RGS3: variants seen among roughly 807,000 people sequenced by gnomAD.
The protein encoded by RGS3 is regulator of G-protein signalling 3.
In RGS3, 80 loss-of-function variants were observed where a neutral mutation model predicts 132.6. The observed-to-expected ratio is 0.60, with a 90% CI of 0.50 to 0.73. The LOEUF is 0.73. Among genes scored for constraint, RGS3 ranks in the 30% least tolerant of loss-of-function variants. RGS3 has a pLI of 0.00. For synonymous variants in RGS3, 598 were observed against 620.6 expected, an observed-to-expected ratio of 0.96 and a Z score of 0.54; for missense variants, 1,382 against 1,530.8, an observed-to-expected ratio of 0.90 and a Z score of 1.62.
At chr9:113,464,956 C>T (rs1040113506) in intron 3 of RGS3, among the ~76,000 whole-genome samples, 2 of 152,184 alleles carry the variant, frequency 1.3e-5, no homozygotes, top group African/African-American at 4.8e-5. Flanking sequence ...AGAGCAGTGG[C>T]TTGGCCTCTG....
At chr9:113,488,941 C>A (rs1830422727) in intron 7 of RGS3, among the ~76,000 whole-genome samples, 1 of 152,214 alleles carries the variant, frequency 6.6e-6, no homozygotes, top group Non-Finnish European at 1.5e-5. Flanking sequence ...GCTCTCAAAT[C>A]AAATTGTGCC....
intron 3 of RGS3, among the ~76,000 whole-genome samples, chr9:113,477,861 C>T (rs1588144090): frequency 6.6e-6 from 1 of 152,208 alleles, no homozygotes. Flanking sequence ...GGAGCCATGC[C>T]TGGGCTTTCT....
intron 3 of RGS3, among the ~76,000 whole-genome samples, chr9:113,473,399 T>A (rs1052445428): frequency 6.6e-6 from 1 of 152,168 alleles, no homozygotes; most frequent in East Asian, 1.9e-4. Flanking sequence ...TTTCTTTTTT[T>A]TGAGTTGGGG....
At chr9:113,472,668 G>A (rs532858075) in intron 3 of RGS3, among the ~76,000 whole-genome samples, 2 of 152,298 alleles carry the variant, frequency 1.3e-5, no homozygotes, top group East Asian at 3.9e-4. Context: ...TCTTTTAGGG[G>A]AGGATGAAAA....
At chr9:113,570,681 CG>C (rs1390616869) in intron 19 of RGS3, among the ~76,000 whole-genome samples, 1 of 151,908 alleles carries the variant, frequency 6.6e-6, no homozygotes, top group Non-Finnish European at 1.5e-5. Context: ...GGCAGAGTCT[CG>C]CTCTGTTGCC....
At chr9:113,594,486 G>C (rs780502510) in exon 22 of RGS3, 1 of 1,613,780 alleles carries the variant, frequency 6.2e-7, no homozygotes, top group Non-Finnish European at 8.5e-7. Context: ...GAGTCCCCTG[G>C]AGCCCCTCCC....
chr9:113,512,926 G>T (rs1383563963), intron 14 of RGS3, among the ~76,000 whole-genome samples: 2 of 152,220 alleles, frequency 1.3e-5, no homozygotes, highest in African/African-American at 4.8e-5. Flanking sequence ...GCTGGGCATG[G>T]TGGCTCATGC....
intron 1 of RGS3, among the ~76,000 whole-genome samples, chr9:113,452,822 A>C (rs1157509089): frequency 6.7e-6 from 1 of 148,558 alleles, no homozygotes; most frequent in Non-Finnish European, 1.5e-5. Context: ...ACCCATTGTT[A>C]ATCCCACCTT....
intron 7 of RGS3, among the ~76,000 whole-genome samples, chr9:113,486,383 A>G (rs1288993688): frequency 1.3e-5 from 2 of 152,260 alleles, no homozygotes; most frequent in African/African-American, 4.8e-5. Context: ...GGCTGCCATG[A>G]TGAGGCCAGG....
In RGS3 at chr9:113,463,274, C is replaced by G. The variant is rs911717303; in HGVS notation, c.415+1073C>G. Among the ~76,000 whole-genome samples, 1 of 152,208 alleles carries G rather than the reference C, an allele frequency of 6.6e-6. No individual in the cohort carries two copies. The highest frequency in any genetic ancestry group is 2.4e-5 in the African/African-American group (1 of 41,466). On this transcript the variant is annotated intron_variant, in intron 3 of 24. Coordinates refer to ENST00000350696, the Ensembl canonical transcript of RGS3. The surrounding 1 kb of genome is among the most constrained non-coding windows in gnomAD (Gnocchi z 4.6). Reference sequence around the variant, plus strand: ...GCAGCATGGTGGGGGGCGACCTGTCCAAGCGCAGAGAACACTTTTCCAAAC... The same window carrying G: ...GCAGCATGGTGGGGGGCGACCTGTCGAAGCGCAGAGAACACTTTTCCAAAC...
intron 14 of RGS3, among the ~76,000 whole-genome samples, chr9:113,511,734 G>A (rs1051997422): frequency 2.6e-5 from 4 of 152,088 alleles, no homozygotes; most frequent in Non-Finnish European, 4.4e-5. Flanking sequence ...GAGACTGGGG[G>A]CCCAGGACCC....
At chr9:113,575,266 G>A (rs1834460839) in intron 19 of RGS3, among the ~76,000 whole-genome samples, 1 of 152,176 alleles carries the variant, frequency 6.6e-6, no homozygotes, top group Non-Finnish European at 1.5e-5. Flanking sequence ...TTTCCTCAGG[G>A]ATTCCCTTTC....
In RGS3 at chr9:113,505,451, C is replaced by T. The variant is rs1423228045; in HGVS notation, c.907C>T (p.Pro303Ser). 5.0e-6 allele frequency: 8 copies of T among 1,614,108 alleles called. No homozygotes were observed. In the East Asian group the frequency reaches 1.8e-4, roughly 36 times the overall value. ...CAGGGCTGTGTCCTAGATCACCATC[C>T]CGAGGGGAAAGGACGGCTTTGGCTT... is the stretch of plus-strand genomic sequence containing the variant. The change falls in exon 11 of 25, where the codon CCG (proline) becomes TCG (serine). Residue 303 changes from proline (P) to serine (S), a missense_variant. Pro to Ser is a moderately conservative substitution (Grantham distance 74). Transcript: ENST00000350696.
chr9:113,455,795 G>A (rs954983560), upstream of RGS3, among the ~76,000 whole-genome samples: 2 of 152,134 alleles, frequency 1.3e-5, no homozygotes, highest in Non-Finnish European at 2.9e-5. Flanking sequence ...ACTTTTAAAA[G>A]GCAAATCCTT....
chr9:113,525,719 A>G (rs1468358057), intron 17 of RGS3, among the ~76,000 whole-genome samples: 1 of 152,194 alleles, frequency 6.6e-6, no homozygotes, highest in Non-Finnish European at 1.5e-5. Context: ...GCCCCATGCT[A>G]GGGACCAAGG....
At chr9:113,559,422 C>T (rs1833702308) in intron 19 of RGS3, among the ~76,000 whole-genome samples, 1 of 152,196 alleles carries the variant, frequency 6.6e-6, no homozygotes, top group Non-Finnish European at 1.5e-5. Context: ...CAAGGCGTGC[C>T]CCAGGATGGA....
At chr9:113,491,275 T>G (rs1588155769) in intron 7 of RGS3, among the ~76,000 whole-genome samples, 1 of 150,658 alleles carries the variant, frequency 6.6e-6, no homozygotes, top group Non-Finnish European at 1.5e-5. Context: ...AAGTAATTTT[T>G]TTTTCTTTTT....
At chr9:113,468,008 G>T (rs939655782) in intron 3 of RGS3, among the ~76,000 whole-genome samples, 1 of 152,226 alleles carries the variant, frequency 6.6e-6, no homozygotes, top group Admixed American at 6.5e-5. Context: ...TTATAGGCAT[G>T]AACCACTGTG....
At chr9:113,582,135 C>T (rs1834852386) in intron 19 of RGS3, 2 of 985,402 alleles carry the variant, frequency 2.0e-6, no homozygotes, top group Non-Finnish European at 2.4e-6. Context: ...CATGGCTGAA[C>T]ACTGACTCCC....
Sources: allele counts gnomAD v4.1 joint callset (sites outside exome capture counted in the v4.1 genomes callset), GRCh38; gene constraint gnomAD v4.1.1; non-coding constraint Gnocchi (gnomAD v3.1); transcripts MANE v1.5; gene names NCBI Gene and HGNC (gene_info 2026-07-23, HGNC 2026-07-21).